ARHGAP6: variants seen among roughly 807,000 people sequenced by gnomAD.
ARHGAP6 encodes rho GTPase-activating protein 6.
In ARHGAP6, 16 loss-of-function variants were observed where a neutral mutation model predicts 55.7. The ratio of observed to expected loss-of-function variants is 0.29; its 90% confidence interval spans 0.19 to 0.44. The LOEUF is 0.44. Ranked by LOEUF, ARHGAP6 falls within the 20% of genes least tolerant of loss-of-function variation. The probability of loss-of-function intolerance (pLI) is 1.00; values close to 1 mark genes in which losing one functional copy is unlikely to be tolerated. For missense variants in ARHGAP6, 698 were observed against 808.9 expected, an observed-to-expected ratio of 0.86 and a Z score of 1.66; for synonymous variants, 382 against 360.9, an observed-to-expected ratio of 1.06 and a Z score of -0.66.
chrX:11,141,180 CAAAT>C (rs904789147), intron 12 of ARHGAP6, among the ~76,000 whole-genome samples: 1 of 110,553 alleles, frequency 9.0e-6, no homozygotes, highest in African/African-American at 3.3e-5. Flanking sequence ...AACAACCAAA[CAAAT>C]AATTTACACA....
intron 1 of ARHGAP6, among the ~76,000 whole-genome samples, chrX:11,419,396 G>C (rs962703521): frequency 2.7e-5 from 3 of 112,138 alleles, no homozygotes; most frequent in Non-Finnish European, 3.8e-5. Context: ...CTTAACTTTT[G>C]AGATAAAAGT....
chrX:11,299,751 T>C (rs1423653771), intron 1 of ARHGAP6, among the ~76,000 whole-genome samples: 1 of 111,840 alleles, frequency 8.9e-6, no homozygotes, highest in African/African-American at 3.2e-5. Context: ...TATTGATGAT[T>C]TGCTACTGAG....
chrX:11,420,861 C>T (rs1393437067), intron 1 of ARHGAP6, among the ~76,000 whole-genome samples: 1 of 111,925 alleles, frequency 8.9e-6, no homozygotes, highest in Non-Finnish European at 1.9e-5. Flanking sequence ...TTTAGGCCCA[C>T]GATTAACACA....
In ARHGAP6 at chrX:11,382,867, T is replaced by A. The variant is rs1165802980; in HGVS notation, c.589-128160A>T. On this transcript the variant is annotated intron_variant, in intron 1 of 12. Coordinates refer to ENST00000337414, the MANE Select transcript of ARHGAP6 (RefSeq NM_013427.3). ...GTAATGAAAGTCAGAAACAACGAGG[T>A]CAAAGCAGCTTATACGGACATCAAA... Among the ~76,000 whole-genome samples the A allele has an allele frequency of 8.1e-5, 9 of 111,718 alleles. No individual in the cohort carries two copies. In the Admixed American group the frequency reaches 8.5e-4, roughly 11 times the overall value.
chrX:11,450,962 G>C (rs939082481), intron 1 of ARHGAP6, among the ~76,000 whole-genome samples: 2 of 111,609 alleles, frequency 1.8e-5, no homozygotes, highest in African/African-American at 6.5e-5. Flanking sequence ...ATGGCATCTT[G>C]CTGGAGAATT....
chrX:11,615,328 C>G (rs1475266302), intron 1 of ARHGAP6, among the ~76,000 whole-genome samples: 4 of 112,051 alleles, frequency 3.6e-5, no homozygotes, highest in Non-Finnish European at 7.5e-5. Context: ...GCCTTTTCTC[C>G]TACTACTCTT....
At chrX:11,354,295 TTCTCTCTC>T (rs1206233633) in intron 1 of ARHGAP6, among the ~76,000 whole-genome samples, 227 of 41,034 alleles carry the variant, frequency 5.5e-3, no homozygotes, top group East Asian at 0.028. Flanking sequence ...CTCTCTCTCT[TTCTCTCTC>T]TCTCTCTCTC....
At chrX:11,240,915 C>T (rs1393255368) in intron 2 of ARHGAP6, among the ~76,000 whole-genome samples, 16 of 71,807 alleles carry the variant, frequency 2.2e-4, no homozygotes, top group Non-Finnish European at 3.2e-4. Flanking sequence ...CATGGTGGCA[C>T]GTGCCTGTAG....
At chrX:11,141,403 AAG>A (rs1341900039) in intron 12 of ARHGAP6, among the ~76,000 whole-genome samples, 2 of 112,075 alleles carry the variant, frequency 1.8e-5, no homozygotes, top group African/African-American at 3.2e-5. Flanking sequence ...AATATGGAAA[AAG>A]AGTTAACATC....
Position 11,398,380 on chromosome X carries a change from T to C in ARHGAP6, c.589-143673A>G, listed in dbSNP as rs191410571. On this transcript the variant is annotated intron_variant, in intron 1 of 12. Transcript: ENST00000337414. ...ATATGAGCACATAACTCATTCTCAGTTTGATTTTTCCTTAACACAAACAAG... is the reference window on the plus strand; with the variant it reads ...ATATGAGCACATAACTCATTCTCAGCTTGATTTTTCCTTAACACAAACAAG... Among the ~76,000 whole-genome samples, 173 of 110,902 alleles carry C rather than the reference T, an allele frequency of 1.6e-3. 4 individuals carry two copies. The East Asian group carries it at 0.023, about 15-fold the overall frequency.
Position 11,665,175 on chromosome X carries a change from A to C in ARHGAP6, c.-347T>G. On this transcript the variant is annotated 5_prime_UTR_variant, in exon 1 of 13. Coordinates refer to ENST00000337414, the MANE Select transcript of ARHGAP6 (RefSeq NM_013427.3). ...TTCCCAGCTCCAGCCTGCCAGCGCC[A>C]CTCCCCCTTCCTAGCTGAGGCGGGA... is the stretch of plus-strand genomic sequence containing the variant. 1 of 181,482 alleles carries C rather than the reference A, an allele frequency of 5.5e-6. No homozygotes were observed. 15.0% of individuals were successfully genotyped at this position (181,482 alleles called of 1,213,427 possible).
chrX:11,606,743 A>T (rs2052040185), intron 1 of ARHGAP6, among the ~76,000 whole-genome samples: 1 of 111,541 alleles, frequency 9.0e-6, no homozygotes, highest in Non-Finnish European at 1.9e-5. Flanking sequence ...ACTTCATCTG[A>T]ACCCAATAGA....
intron 1 of ARHGAP6, among the ~76,000 whole-genome samples, chrX:11,359,503 T>C (rs1435157256): frequency 8.9e-6 from 1 of 112,261 alleles, no homozygotes; most frequent in Non-Finnish European, 1.9e-5. Context: ...ATTTAGCCTA[T>C]AATAAAAGGC....
At chrX:11,215,199 G>A (rs2046862556) in intron 2 of ARHGAP6, among the ~76,000 whole-genome samples, 3 of 112,918 alleles carry the variant, frequency 2.7e-5, no homozygotes, top group African/African-American at 9.6e-5. Context: ...GCATCCAGGC[G>A]GGCGAGTAGC....
Position 11,504,744 on chromosome X carries a change from G to A in ARHGAP6, c.588+159497C>T, listed in dbSNP as rs1830014382. On this transcript the variant is annotated intron_variant, in intron 1 of 12. Transcript: ENST00000337414. Reference sequence around the variant, plus strand: ...GAAGAGACACACAGTTAAAGTCAGGGAATGGACAATGGTGGTTTCATGCCT... The same window carrying A: ...GAAGAGACACACAGTTAAAGTCAGGAAATGGACAATGGTGGTTTCATGCCT... Among the ~76,000 whole-genome samples the A allele has an allele frequency of 3.6e-5, 4 of 112,115 alleles. No homozygotes were observed. The Admixed American group carries it at 3.8e-4, about 11-fold the overall frequency.
intron 1 of ARHGAP6, among the ~76,000 whole-genome samples, chrX:11,650,153 C>T (rs758285761): frequency 9.1e-6 from 1 of 109,452 alleles, no homozygotes; most frequent in East Asian, 2.9e-4. Context: ...CACCACCACA[C>T]CTGGTTAATT....
At chrX:11,276,072 A>G (rs1724469369) in intron 1 of ARHGAP6, among the ~76,000 whole-genome samples, 1 of 111,611 alleles carries the variant, frequency 9.0e-6, no homozygotes, top group South Asian at 3.8e-4. Flanking sequence ...TGACCTAGAC[A>G]CTTGAGATGT....
intron 1 of ARHGAP6, among the ~76,000 whole-genome samples, chrX:11,559,122 T>G (rs1428762880): frequency 9.2e-6 from 1 of 108,498 alleles, no homozygotes. Flanking sequence ...TCCTTCATGT[T>G]CCAGCAATCT....
At chrX:11,651,741 T>C (rs994580324) in intron 1 of ARHGAP6, among the ~76,000 whole-genome samples, 2 of 111,924 alleles carry the variant, frequency 1.8e-5, no homozygotes, top group Non-Finnish European at 3.8e-5. Context: ...TTCAACTAAT[T>C]TACACTCCCA....
Sources: allele counts gnomAD v4.1 joint callset (sites outside exome capture counted in the v4.1 genomes callset), GRCh38; gene constraint gnomAD v4.1.1; transcripts MANE v1.5; gene names NCBI Gene and HGNC (gene_info 2026-07-23, HGNC 2026-07-21).